The following TNR variants were observed in gnomAD, a reference collection of about 807,000 sequenced individuals.
TNR encodes tenascin R, also known as tenascin-R.
In TNR, 45 loss-of-function variants were observed where a neutral mutation model predicts 150.4. The ratio of observed to expected loss-of-function variants is 0.30; its 90% CI spans 0.24 to 0.38. The LOEUF (loss-of-function observed/expected upper bound fraction) is 0.38. Among genes scored for constraint, TNR ranks in the 10% least tolerant of loss-of-function variants. The pLI, the probability that TNR is intolerant of heterozygous loss-of-function variation, is 1.00. For synonymous variants in TNR, 687 were observed against 678.4 expected, an observed-to-expected ratio of 1.01 and a Z score of -0.20; for missense variants, 1,544 against 1,759.1, an observed-to-expected ratio of 0.88 and a Z score of 2.19.
At chr1:175,624,033 G>T (rs1664066345) in intron 1 of TNR, among the ~76,000 whole-genome samples, 1 of 152,204 alleles carries the variant, frequency 6.6e-6, no homozygotes, top group Non-Finnish European at 1.5e-5. Context: ...CACTCAACAA[G>T]ATTAGGAAGA....
intron 1 of TNR, among the ~76,000 whole-genome samples, chr1:175,730,036 C>T (rs1401639022): frequency 6.6e-6 from 1 of 152,198 alleles, no homozygotes; most frequent in Admixed American, 6.5e-5. Context: ...CTCTGAGCAG[C>T]TGGTAATTCT....
chr1:175,631,129 A>C (rs535509393), intron 1 of TNR, among the ~76,000 whole-genome samples: 204 of 152,338 alleles, frequency 1.3e-3, no homozygotes, highest in African/African-American at 4.6e-3. Flanking sequence ...AAGTCCAATC[A>C]GTCATCCCTC....
intron 1 of TNR, among the ~76,000 whole-genome samples, chr1:175,653,851 A>C (rs1380067958): frequency 6.6e-6 from 1 of 152,202 alleles, no homozygotes; most frequent in Non-Finnish European, 1.5e-5. Flanking sequence ...GGGTTTTGTT[A>C]GTTTTTATTT....
chr1:175,615,094 T>G (rs1379781092), intron 1 of TNR, among the ~76,000 whole-genome samples: 1 of 152,092 alleles, frequency 6.6e-6, no homozygotes, highest in Non-Finnish European at 1.5e-5. Flanking sequence ...TCAGTTACAT[T>G]AGTGGAGATA....
rs1571663771 is a variant in TNR, at chr1:175,601,826, A to G, written c.-164-73457T>C. Among the ~76,000 whole-genome samples, 4 of 152,314 alleles carry G rather than the reference A, an allele frequency of 2.6e-5. No homozygotes were observed. In the East Asian group the frequency reaches 7.7e-4, roughly 29 times the overall value. ...AAACTCTATTCCTACCTAATAGAATAGTCATATAATTTTACAGCTTGGAAG... is the reference window on the plus strand; with the variant it reads ...AAACTCTATTCCTACCTAATAGAATGGTCATATAATTTTACAGCTTGGAAG... On this transcript the variant is annotated intron_variant, in intron 1 of 22. Coordinates refer to ENST00000367674, the MANE Select transcript of TNR (RefSeq NM_003285.3).
chr1:175,568,646 T>A (rs1661741883), intron 1 of TNR, among the ~76,000 whole-genome samples: 1 of 152,142 alleles, frequency 6.6e-6, no homozygotes, highest in African/African-American at 2.4e-5. Flanking sequence ...TCCCATCCAA[T>A]CCTGGATCAA....
rs144415004 is a variant in TNR at position 175,628,798 on chromosome 1, C to T, written c.-164-100429G>A. Among the ~76,000 whole-genome samples, 484 of 152,314 alleles carry T rather than the reference C, an allele frequency of 3.2e-3. 3 individuals are homozygous for T. The highest frequency in any genetic ancestry group is 3.7e-3 in the Non-Finnish European group (249 of 68,028). On this transcript the variant is annotated intron_variant, in intron 1 of 22. Transcript: ENST00000367674. ...GAGGGAGATGGAAAGAGAAGCCCAT[C>T]CATCGTCTTCAATGGTGGTGCCAAT... is the stretch of plus-strand genomic sequence containing the variant.
intron 1 of TNR, among the ~76,000 whole-genome samples, chr1:175,657,679 C>A (rs527558147): frequency 2.0e-4 from 29 of 145,538 alleles, no homozygotes; most frequent in Admixed American, 2.0e-3. Flanking sequence ...GACAAAAAAC[C>A]AAACACCGCA....
chr1:175,484,862 C>G (rs965407069), intron 2 of TNR, among the ~76,000 whole-genome samples: 8 of 152,152 alleles, frequency 5.3e-5, no homozygotes, highest in African/African-American at 1.9e-4. Context: ...TTCGATAGAG[C>G]TTCAGAGAGT....
At chr1:175,589,287 C>G (rs1434314343) in intron 1 of TNR, among the ~76,000 whole-genome samples, 1 of 152,108 alleles carries the variant, frequency 6.6e-6, no homozygotes, top group East Asian at 1.9e-4. Flanking sequence ...TCCTTTTCTA[C>G]AAACTTGGGA....
intron 1 of TNR, among the ~76,000 whole-genome samples, chr1:175,577,088 A>T (rs959611613): frequency 6.6e-6 from 1 of 152,130 alleles, no homozygotes; most frequent in Non-Finnish European, 1.5e-5. Flanking sequence ...TGTTATTCTC[A>T]TCTGGCAGGG....
intron 1 of TNR, among the ~76,000 whole-genome samples, chr1:175,616,540 G>A (rs1312677192): frequency 6.6e-6 from 1 of 152,168 alleles, no homozygotes; most frequent in Admixed American, 6.5e-5. Context: ...GATGGGGGCA[G>A]AGGAAACAAA....
intron 1 of TNR, among the ~76,000 whole-genome samples, chr1:175,532,403 G>T (rs770117213): frequency 6.6e-6 from 1 of 152,068 alleles, no homozygotes; most frequent in African/African-American, 2.4e-5. Context: ...AATAAACAAG[G>T]CTTCCTACCA....
intron 1 of TNR, chr1:175,538,660 A>T (rs1260722288): frequency 6.6e-6 from 1 of 152,110 alleles, no homozygotes; most frequent in Non-Finnish European, 1.5e-5. Context: ...GTGGACTTCC[A>T]CCTCTGGCCT....
At chr1:175,648,895 A>G (rs1157468872) in intron 1 of TNR, among the ~76,000 whole-genome samples, 1 of 152,126 alleles carries the variant, frequency 6.6e-6, no homozygotes, top group Non-Finnish European at 1.5e-5. Context: ...TTCCTGGTTC[A>G]TGTTGACTTG....
intron 9 of TNR, among the ~76,000 whole-genome samples, chr1:175,372,561 G>C (rs1652156972): frequency 6.6e-6 from 1 of 152,230 alleles, no homozygotes; most frequent in African/African-American, 2.4e-5. Flanking sequence ...ACAGGAGTTA[G>C]CACATTCTCA....
chr1:175,352,468 T>C (rs78927899), intron 18 of TNR, among the ~76,000 whole-genome samples: 3,454 of 152,264 alleles, frequency 0.023, 139 homozygotes, highest in African/African-American at 0.077. Context: ...CGTGGGTCTT[T>C]AAGTGGTAGC....
At chr1:175,406,081 G>A (rs918352604) in intron 3 of TNR, 135 bp downstream of exon 3, 11 of 1,192,102 alleles carry the variant, frequency 9.2e-6, no homozygotes, top group Non-Finnish European at 1.3e-5. Flanking sequence ...TCCTTTGACC[G>A]TGTGAAGAGA....
chr1:175,666,468 G>T (rs1406136071), intron 1 of TNR, among the ~76,000 whole-genome samples: 1 of 152,188 alleles, frequency 6.6e-6, no homozygotes, highest in East Asian at 1.9e-4. Flanking sequence ...CATGGAGTGA[G>T]GCCAGTCATC....
Sources: allele counts gnomAD v4.1 joint callset (sites outside exome capture counted in the v4.1 genomes callset), GRCh38; gene constraint gnomAD v4.1.1; transcripts MANE v1.5; gene names NCBI Gene and HGNC (gene_info 2026-07-23, HGNC 2026-07-21).